The following ANKRD26 variants were observed in gnomAD, a reference collection of about 807,000 sequenced individuals.
ANKRD26 encodes ankyrin repeat domain-containing protein 26.
In ANKRD26, 141 loss-of-function variants were observed where a neutral mutation model predicts 208.7. The ratio of observed to expected loss-of-function variants is 0.68; its 90% CI spans 0.59 to 0.78. ANKRD26 has a LOEUF of 0.78. Among genes scored for constraint, ANKRD26 ranks in the 30% least tolerant of loss-of-function variants. The probability of loss-of-function intolerance (pLI) is 0.00; values close to 1 mark genes in which losing one functional copy is unlikely to be tolerated. For missense variants in ANKRD26, 1,889 were observed against 1,938.7 expected, an observed-to-expected ratio of 0.97 and a Z score of 0.48; for synonymous variants, 636 against 660.4, an observed-to-expected ratio of 0.96 and a Z score of 0.57.
downstream of ANKRD26, among the ~76,000 whole-genome samples, chr10:27,000,055 A>G (rs1267058117): frequency 1.3e-5 from 2 of 152,154 alleles, no homozygotes; most frequent in Non-Finnish European, 2.9e-5. Context: ...CCCACACAGA[A>G]GCAGACAAGC....
chr10:26,955,437 AAAT>A, the ANKRD26 span, among the ~76,000 whole-genome samples: 23 of 151,972 alleles, frequency 1.5e-4, no homozygotes, highest in African/African-American at 5.3e-4. Flanking sequence ...TCAAAAAAAA[AAAT>A]ATATATATAT....
intron 28 of ANKRD26, among the ~76,000 whole-genome samples, chr10:27,023,508 G>A (rs187115348): frequency 2.7e-4 from 41 of 151,798 alleles, no homozygotes; most frequent in Admixed American, 2.7e-3. Context: ...ATAAGAGACA[G>A]GAAAGAAACA....
rs1358933972 is a variant in ANKRD26 at position 27,038,169 on chromosome 10, G to C, written c.2376-115C>G. The C allele has an allele frequency of 2.3e-5, 20 of 865,400 alleles. No individual in the cohort carries two copies. The South Asian group carries it at 3.2e-4, about 14-fold the overall frequency. 53.6% of individuals were successfully genotyped at this position (865,400 alleles called of 1,614,324 possible). On this transcript the variant is annotated intron_variant, in intron 21 of 33. Transcript: ENST00000376087. ...ACCCTAATACAATTTCTATGTTCTT[G>C]AATATTTTTCCTTTCTAGTTCTCTG...
At chr10:26,963,902 GGT>G in the ANKRD26 span, among the ~76,000 whole-genome samples, 5 of 66,976 alleles carry the variant, frequency 7.5e-5, no homozygotes, top group African/African-American at 3.1e-4. Context: ...ATGGTTGGTT[GGT>G]TTTTTTTTTT....
intron 9 of ANKRD26, among the ~76,000 whole-genome samples, chr10:27,074,795 GAATAA>G (rs938499592): frequency 3.3e-5 from 5 of 151,454 alleles, no homozygotes; most frequent in Admixed American, 2.0e-4. Flanking sequence ...AAAATAAAAA[GAATAA>G]AATAAAATAA....
intron 9 of ANKRD26, 144 bp downstream of exon 9, chr10:27,077,194 A>G: frequency 2.8e-6 from 2 of 713,354 alleles, no homozygotes; most frequent in Non-Finnish European, 4.7e-6. Flanking sequence ...GGATGGTTCA[A>G]CATATGCAAG....
At chr10:26,955,458 T>G in the ANKRD26 span, among the ~76,000 whole-genome samples, 4 of 152,014 alleles carry the variant, frequency 2.6e-5, no homozygotes, top group Non-Finnish European at 5.9e-5. Context: ...TATGTGTGTA[T>G]GTATATATGT....
downstream of ANKRD26, among the ~76,000 whole-genome samples, chr10:27,001,888 C>T (rs1420398487): frequency 6.6e-6 from 1 of 152,130 alleles, no homozygotes; most frequent in African/African-American, 2.4e-5. Flanking sequence ...GGAAATTTTG[C>T]CAAGGACTCT....
intron 27 of ANKRD26, among the ~76,000 whole-genome samples, chr10:27,026,350 G>T (rs1442702787): frequency 1.3e-5 from 2 of 152,202 alleles, no homozygotes. Context: ...TTTCTGAGAT[G>T]TTGATATATT....
chr10:27,029,340 T>C lies in ANKRD26; in HGVS notation c.3824A>G (p.Asp1275Gly). ...QIRNQLQEAQ[D>G]RHTEAVRCAE... is the part of the protein sequence containing the mutation. ...ACATCTGACAGCTTCTGTATGTCGATCCTGTGCTTCTTGCAACTAAAACAA... is the reference window on the plus strand; with the variant it reads ...ACATCTGACAGCTTCTGTATGTCGACCCTGTGCTTCTTGCAACTAAAACAA... The change falls in exon 26 of 34, where the codon GAT becomes GGT. Residue 1275 changes from aspartate to glycine, a missense_variant. Coordinates refer to ENST00000376087, the MANE Select transcript of ANKRD26 (RefSeq NM_014915.3). The C allele has an allele frequency of 6.2e-7, 1 of 1,612,606 alleles. No individual in the cohort carries two copies. The highest frequency in any genetic ancestry group is 8.5e-7 in the Non-Finnish European group (1 of 1,179,152).
chr10:27,030,888 A>G (rs1193003273), intron 25 of ANKRD26, among the ~76,000 whole-genome samples: 1 of 152,242 alleles, frequency 6.6e-6, no homozygotes, highest in African/African-American at 2.4e-5. Flanking sequence ...AATTTATACA[A>G]GGATAGGTGA....
In ANKRD26 at chr10:27,047,701, A is replaced by ACTACTACTACTAC. The variant is rs1554782089; in HGVS notation, c.1814+1099_1814+1100insGTAGTAGTAGTAG. ...ATTTACCACCAGAAAAACTGTAATA[A>ACTACTACTACTAC]TACTACTACTACTACTACTACTAAT... On this transcript the variant is annotated intron_variant, in intron 17 of 33. Transcript: ENST00000376087. Among the ~76,000 whole-genome samples the ACTACTACTACTAC allele has an allele frequency of 4.9e-4, 68 of 138,890 alleles. No individual in the cohort carries two copies. The East Asian group carries it at 0.012, about 24-fold the overall frequency. 91.1% of individuals were successfully genotyped at this position (138,890 alleles called of 152,430 possible).
chr10:27,098,603 C>T (rs2056543504), intron 1 of ANKRD26, among the ~76,000 whole-genome samples: 1 of 148,946 alleles, frequency 6.7e-6, no homozygotes, highest in South Asian at 2.1e-4. Flanking sequence ...GGCTGGAGTG[C>T]AGTGGCGTGA....
At chr10:27,093,643 AGTC>A in intron 2 of ANKRD26, 39 bp downstream of exon 2, 2 of 1,600,242 alleles carry the variant, frequency 1.2e-6, no homozygotes, top group Non-Finnish European at 1.7e-6. Context: ...TATGTATTTA[AGTC>A]AAATCCATCT....
chr10:27,044,030 G>A (rs2054355392), intron 19 of ANKRD26, 127 bp downstream of exon 19: 1 of 684,094 alleles, frequency 1.5e-6, no homozygotes, highest in Non-Finnish European at 2.2e-6. Context: ...CTGGAGTCAA[G>A]CAATCCTCCC....
downstream of ANKRD26, among the ~76,000 whole-genome samples, chr10:27,002,814 G>C (rs142906597): frequency 4.9e-3 from 745 of 152,288 alleles, 9 homozygotes; most frequent in African/African-American, 0.017. Context: ...AGGTGCTCCT[G>C]ACAATTTTTT....
chr10:27,092,752 G>T (rs1270199569), intron 3 of ANKRD26, among the ~76,000 whole-genome samples: 1 of 152,122 alleles, frequency 6.6e-6, no homozygotes, highest in African/African-American at 2.4e-5. Flanking sequence ...CATTTGGCAT[G>T]GCATATTGTA....
chr10:26,959,501 A>G, the ANKRD26 span, among the ~76,000 whole-genome samples: 1 of 152,226 alleles, frequency 6.6e-6, no homozygotes, highest in Non-Finnish European at 1.5e-5. Context: ...GACTTTCTAC[A>G]TAAGTAGATA....
At chr10:27,021,596 A>C (rs756159642) in intron 29 of ANKRD26, among the ~76,000 whole-genome samples, 1 of 152,200 alleles carries the variant, frequency 6.6e-6, no homozygotes, top group Non-Finnish European at 1.5e-5. Context: ...TTCTTATGAG[A>C]AATGTCTGTT....
Sources: allele counts gnomAD v4.1 joint callset (sites outside exome capture counted in the v4.1 genomes callset), GRCh38; gene constraint gnomAD v4.1.1; transcripts MANE v1.5; gene names NCBI Gene and HGNC (gene_info 2026-07-23, HGNC 2026-07-21).